The following GNAQ variants were observed in gnomAD, a reference collection of about 807,000 sequenced individuals.
GNAQ encodes the protein G protein subunit alpha q.
A neutral mutation model predicts 43.9 loss-of-function variants in GNAQ; 8 were observed. The ratio of observed to expected loss-of-function variants is 0.18; its 90% CI spans 0.11 to 0.33. The LOEUF is 0.33. Ranked by LOEUF, GNAQ falls within the 10% of genes least tolerant of loss-of-function variation. The probability of loss-of-function intolerance (pLI) is 1.00; values close to 1 mark genes in which losing one functional copy is unlikely to be tolerated. For missense variants in GNAQ, 158 were observed against 450.8 expected, an observed-to-expected ratio of 0.35 and a Z score of 5.88; for synonymous variants, 155 against 170.7, an observed-to-expected ratio of 0.91 and a Z score of 0.71.
chr9:77,731,542 G>C (rs1156783051), intron 5 of GNAQ, among the ~76,000 whole-genome samples: 2 of 152,206 alleles, frequency 1.3e-5, no homozygotes, highest in African/African-American at 4.8e-5. Flanking sequence ...ATGACTGGCA[G>C]ATGAGATCAA....
chr9:77,764,708 G>A (rs1180297195), intron 5 of GNAQ, among the ~76,000 whole-genome samples: 1 of 152,112 alleles, frequency 6.6e-6, no homozygotes, highest in East Asian at 1.9e-4. Flanking sequence ...GCCAGCCTTG[G>A]CCTCCTAAAG....
At chr9:77,956,966 A>G (rs944016413) in intron 1 of GNAQ, among the ~76,000 whole-genome samples, 1 of 152,226 alleles carries the variant, frequency 6.6e-6, no homozygotes, top group African/African-American at 2.4e-5. Context: ...GGACCATGTA[A>G]GAATATTCTG....
intron 1 of GNAQ, among the ~76,000 whole-genome samples, chr9:77,951,498 T>C (rs1179460985): frequency 6.6e-6 from 1 of 152,228 alleles, no homozygotes; most frequent in African/African-American, 2.4e-5. Flanking sequence ...AGCTTTATAG[T>C]TTATTTACTT....
chr9:77,849,962 C>T (rs532103027), intron 2 of GNAQ, among the ~76,000 whole-genome samples: 1 of 152,292 alleles, frequency 6.6e-6, no homozygotes, highest in East Asian at 1.9e-4. Flanking sequence ...TTTGATAATG[C>T]TGTACTGACC....
intron 1 of GNAQ, among the ~76,000 whole-genome samples, chr9:77,979,732 G>A (rs1183187550): frequency 6.6e-6 from 1 of 152,148 alleles, no homozygotes; most frequent in African/African-American, 2.4e-5. Flanking sequence ...CAAGCAACAT[G>A]CAACATATAT....
chr9:77,792,327 A>G (rs952300421), intron 5 of GNAQ, among the ~76,000 whole-genome samples: 4 of 152,174 alleles, frequency 2.6e-5, no homozygotes, highest in Non-Finnish European at 5.9e-5. Flanking sequence ...TAAAAGTAGC[A>G]TAAGACATCA....
At chr9:77,846,676 G>A (rs928846860) in intron 2 of GNAQ, among the ~76,000 whole-genome samples, 2 of 152,110 alleles carry the variant, frequency 1.3e-5, no homozygotes, top group African/African-American at 2.4e-5. Context: ...AGTGAAGCAC[G>A]TCCCTTTTAA....
chr9:78,009,109 G>A (rs905396000), intron 1 of GNAQ, among the ~76,000 whole-genome samples: 2 of 152,218 alleles, frequency 1.3e-5, no homozygotes, highest in African/African-American at 4.8e-5. Context: ...GGTACCAAAT[G>A]AAGTTTGCTT....
At chr9:77,759,920 CCTTTTTCTTTTT>C (rs1237774104) in intron 5 of GNAQ, among the ~76,000 whole-genome samples, 7 of 144,800 alleles carry the variant, frequency 4.8e-5, no homozygotes, top group South Asian at 4.4e-4. Context: ...TTTTTCTTTT[CCTTTTTCTTTTT>C]CTTTTTTTTT....
chr9:77,925,771 C>CA (rs1829063064), intron 1 of GNAQ, among the ~76,000 whole-genome samples: 1 of 151,994 alleles, frequency 6.6e-6, no homozygotes, highest in Non-Finnish European at 1.5e-5. Context: ...AGAATTCAGC[C>CA]AAAAAACCAG....
intron 1 of GNAQ, among the ~76,000 whole-genome samples, chr9:78,019,980 G>C (rs1823887875): frequency 6.6e-6 from 1 of 150,754 alleles, no homozygotes; most frequent in African/African-American, 2.4e-5. Context: ...AAAAATCCTA[G>C]GGAAAAAGTC....
At chr9:77,797,948 T>C (rs1826683119) in intron 3 of GNAQ, among the ~76,000 whole-genome samples, 1 of 152,238 alleles carries the variant, frequency 6.6e-6, no homozygotes, top group Admixed American at 6.5e-5. Context: ...TAGTTTCCTA[T>C]TCTCTACTTG....
At chr9:77,988,293 AACTG>A (rs1823467420) in intron 1 of GNAQ, among the ~76,000 whole-genome samples, 1 of 152,240 alleles carries the variant, frequency 6.6e-6, no homozygotes, top group African/African-American at 2.4e-5. Flanking sequence ...TTAGCAGGAT[AACTG>A]ACTGCTGCAG....
chr9:77,991,132 G>A (rs895199390), intron 1 of GNAQ, among the ~76,000 whole-genome samples: 2 of 152,198 alleles, frequency 1.3e-5, no homozygotes, highest in Non-Finnish European at 2.9e-5. Context: ...ATACCAGTTT[G>A]AGCATATTTG....
At chr9:77,743,458 A>G (rs543460910) in intron 5 of GNAQ, among the ~76,000 whole-genome samples, 3 of 152,290 alleles carry the variant, frequency 2.0e-5, no homozygotes, top group Admixed American at 1.3e-4. Context: ...GAGTATTTAA[A>G]TAAGGATTAA....
At chr9:77,811,153 C>A (rs916543467) in intron 3 of GNAQ, among the ~76,000 whole-genome samples, 2 of 151,978 alleles carry the variant, frequency 1.3e-5, no homozygotes, top group African/African-American at 2.4e-5. Flanking sequence ...CTCTGAAGAC[C>A]TACCACTAGA....
intron 5 of GNAQ, among the ~76,000 whole-genome samples, chr9:77,770,426 ACT>A (rs1826205627): frequency 6.6e-6 from 1 of 152,124 alleles, no homozygotes. Context: ...AAACCAGAAA[ACT>A]CGAGGCCAGT....
chr9:77,738,057 G>T (rs1361076506), intron 5 of GNAQ, among the ~76,000 whole-genome samples: 1 of 152,210 alleles, frequency 6.6e-6, no homozygotes, highest in Non-Finnish European at 1.5e-5. Context: ...AAGGCCAAAA[G>T]AATGCATTTG....
intron 5 of GNAQ, among the ~76,000 whole-genome samples, chr9:77,762,494 T>C (rs1207758001): frequency 0.016 from 1,838 of 114,734 alleles, 8 homozygotes; most frequent in South Asian, 0.037. Context: ...GCCCCCCGCC[T>C]GGCCAGCCGC....
Sources: gnomAD v4.1 joint callset for allele counts (sites outside exome capture counted in the v4.1 genomes callset) on GRCh38, gnomAD v4.1.1 for gene constraint, MANE v1.5 for transcripts, NCBI Gene and HGNC (gene_info 2026-07-23, HGNC 2026-07-21) for gene names.